Variants in DRC11 observed in about 807,000 individuals in gnomAD.
DRC11 encodes IQ and AAA domain-containing protein 1.
At chr2:236,422,015 G>A in the DRC11 span, among the ~76,000 whole-genome samples, 1 of 152,140 alleles carries the variant, frequency 6.6e-6, no homozygotes, top group East Asian at 1.9e-4. Flanking sequence ...TAACACTCAT[G>A]CTAAAAACTC....
chr2:236,358,176 T>A, the DRC11 span, among the ~76,000 whole-genome samples: 659 of 121,280 alleles, frequency 5.4e-3, 4 homozygotes, highest in South Asian at 0.025. Context: ...ATATAATATA[T>A]ATACTCTATG....
the DRC11 span, among the ~76,000 whole-genome samples, chr2:236,445,760 C>T: frequency 6.6e-6 from 1 of 152,102 alleles, no homozygotes; most frequent in African/African-American, 2.4e-5. This position sits in a 1 kb window ranked among gnomAD's most constrained non-coding sequence, Gnocchi z 4.8. Context: ...TTGTAGGGTA[C>T]ACATTAAAAA....
At chr2:236,422,697 A>G in the DRC11 span, among the ~76,000 whole-genome samples, 29 of 152,278 alleles carry the variant, frequency 1.9e-4, no homozygotes, top group East Asian at 5.2e-3. Flanking sequence ...ATTAGAAAAA[A>G]CTACTTTAAA....
the DRC11 span, among the ~76,000 whole-genome samples, chr2:236,412,162 C>T: frequency 3.2e-4 from 49 of 152,302 alleles, no homozygotes; most frequent in African/African-American, 1.1e-3. Context: ...TCCCCAAGTG[C>T]TGGATTATAG....
chr2:236,452,132 C>T, the DRC11 span, among the ~76,000 whole-genome samples: 2,982 of 152,258 alleles, frequency 0.02, 94 homozygotes, highest in African/African-American at 0.067. The surrounding 1 kb of genome is among the most constrained non-coding windows in gnomAD (Gnocchi z 4.7). Flanking sequence ...AAGAGAAACA[C>T]GTATGCCTGC....
At chr2:236,317,415 T>C in the DRC11 span, among the ~76,000 whole-genome samples, 1 of 152,180 alleles carries the variant, frequency 6.6e-6, no homozygotes, top group Non-Finnish European at 1.5e-5. This position sits in a 1 kb window ranked among gnomAD's most constrained non-coding sequence, Gnocchi z 5.4. Flanking sequence ...CCTGCAAGGC[T>C]GCAGGAGTCT....
the DRC11 span, chr2:236,363,917 C>G: frequency 4.3e-6 from 7 of 1,613,896 alleles, no homozygotes; most frequent in Non-Finnish European, 5.9e-6. The surrounding 1 kb of genome is among the most constrained non-coding windows in gnomAD (Gnocchi z 5.6). Flanking sequence ...TTCCCTACCC[C>G]AGACGGCCCG....
At chr2:236,423,391 G>A in the DRC11 span, among the ~76,000 whole-genome samples, 3 of 152,144 alleles carry the variant, frequency 2.0e-5, no homozygotes, top group African/African-American at 7.2e-5. Context: ...GTGGGCAAAG[G>A]ATATGAACAG....
At chr2:236,328,014 C>T in the DRC11 span, among the ~76,000 whole-genome samples, 2 of 151,986 alleles carry the variant, frequency 1.3e-5, no homozygotes, top group Admixed American at 1.3e-4. The surrounding 1 kb of genome is among the most constrained non-coding windows in gnomAD (Gnocchi z 6.7). Context: ...TCAAATTTTC[C>T]TGTTTTTCCT....
At chr2:236,337,081 G>A in the DRC11 span, among the ~76,000 whole-genome samples, 5 of 152,118 alleles carry the variant, frequency 3.3e-5, no homozygotes, top group Non-Finnish European at 7.3e-5. The surrounding 1 kb of genome is among the most constrained non-coding windows in gnomAD (Gnocchi z 4.9). Context: ...CAGTGCCCAC[G>A]ACGGCCAGCA....
the DRC11 span, chr2:236,488,185 GGTATTTCTGC>G: frequency 1.9e-6 from 3 of 1,579,066 alleles, no homozygotes; most frequent in Admixed American, 3.8e-5. Context: ...CTCTTTACAG[GGTATTTCTGC>G]AAAAAACAGT....
chr2:236,496,452 T>G, the DRC11 span, among the ~76,000 whole-genome samples: 3 of 152,164 alleles, frequency 2.0e-5, no homozygotes, highest in Admixed American at 6.5e-5. The surrounding 1 kb of genome is among the most constrained non-coding windows in gnomAD (Gnocchi z 6.3). Context: ...ACCATGACAC[T>G]GAGGGGAGGT....
At chr2:236,382,263 T>G in the DRC11 span, among the ~76,000 whole-genome samples, 1 of 152,232 alleles carries the variant, frequency 6.6e-6, no homozygotes, top group South Asian at 2.1e-4. Flanking sequence ...CATGTTTGTG[T>G]GGGCCTATTT....
At chr2:236,379,351 C>A in the DRC11 span, among the ~76,000 whole-genome samples, 1 of 109,710 alleles carries the variant, frequency 9.1e-6, no homozygotes, top group Non-Finnish European at 1.9e-5. Context: ...AACAGGGGAG[C>A]GACAGGACCA....
chr2:236,374,044 C>T, the DRC11 span, among the ~76,000 whole-genome samples: 1 of 152,162 alleles, frequency 6.6e-6, no homozygotes, highest in African/African-American at 2.4e-5. Flanking sequence ...TGGGCCAAAC[C>T]CCTCCTAGTT....
the DRC11 span, among the ~76,000 whole-genome samples, chr2:236,371,579 T>G: frequency 6.6e-6 from 1 of 152,188 alleles, no homozygotes; most frequent in Non-Finnish European, 1.5e-5. This position sits in a 1 kb window ranked among gnomAD's most constrained non-coding sequence, Gnocchi z 5.1. Flanking sequence ...ACCGCTCTTA[T>G]GCATTGCACT....
At chr2:236,356,300 C>T in the DRC11 span, among the ~76,000 whole-genome samples, 3 of 152,072 alleles carry the variant, frequency 2.0e-5, no homozygotes, top group African/African-American at 4.8e-5. Context: ...GTCTGGAGGG[C>T]GGGGGCCATT....
At chr2:236,408,014 C>A in the DRC11 span, 5 of 558,240 alleles carry the variant, frequency 9.0e-6, no homozygotes, top group Admixed American at 7.6e-5. The surrounding 1 kb of genome is among the most constrained non-coding windows in gnomAD (Gnocchi z 5.5). Flanking sequence ...TTGGTCTCAG[C>A]CAGCAAAGAC....
the DRC11 span, among the ~76,000 whole-genome samples, chr2:236,373,002 T>A: frequency 1.3e-5 from 2 of 152,186 alleles, no homozygotes. Flanking sequence ...TTGTCTGTCG[T>A]CAATATTTGA....
Sources: allele counts gnomAD v4.1 joint callset (sites outside exome capture counted in the v4.1 genomes callset), GRCh38; gene constraint gnomAD v4.1.1; non-coding constraint Gnocchi (gnomAD v3.1); transcripts MANE v1.5; gene names NCBI Gene and HGNC (gene_info 2026-07-23, HGNC 2026-07-21).